Variants in EPHB2 observed in about 807,000 individuals in gnomAD.
EPHB2 encodes EPH receptor B2, also known as ephrin type-B receptor 2.
In EPHB2, 18 loss-of-function variants were observed where a neutral mutation model predicts 96.4. The observed-to-expected ratio is 0.19, with a 90% CI of 0.13 to 0.28. The LOEUF is 0.28. EPHB2 is among the 10% of genes least tolerant of loss of function. The pLI is 1.00. For synonymous variants in EPHB2, 506 were observed against 534.1 expected (o/e 0.95, Z 0.72); for missense variants, 989 against 1,355.4 (o/e 0.73, Z 4.25).
At chr1:22,828,212 G>A (rs1645252208) in intron 3 of EPHB2, among the ~76,000 whole-genome samples, 1 of 152,180 alleles carries the variant, frequency 6.6e-6, no homozygotes, top group African/African-American at 2.4e-5. Context: ...GACTAGAGCA[G>A]GGACACCACC....
rs1225598688 is a variant in EPHB2, at chr1:22,865,064, G to A, written c.1155G>A (p.Gln385=). The A allele has an allele frequency of 6.2e-7, 1 of 1,614,110 alleles. No individual in the cohort carries two copies. The highest frequency in any genetic ancestry group is 8.5e-7 in the Non-Finnish European group (1 of 1,180,062). The part of the protein sequence containing the change: ...CGDNVQYAPR[Q]LGLTEPRIYI... ...ACAATGTACAGTACGCACCACGCCA[G>A]CTAGGCCTGACCGAGCCACGCATTT... Residue 385 remains glutamine, a synonymous_variant, in exon 5 of 16, where the codon CAG becomes CAA. Transcript: ENST00000374630.
intron 1 of EPHB2, among the ~76,000 whole-genome samples, chr1:22,770,152 C>T (rs1051678161): frequency 2.0e-4 from 31 of 151,668 alleles, no homozygotes; most frequent in East Asian, 3.9e-4. Flanking sequence ...GATGGGTACA[C>T]GGGCGGGCAG....
chr1:22,882,542 GCTGAGGCCTGGGAGTTCTGCC>G, intron 6 of EPHB2, 59 bp downstream of exon 6: 1 of 1,606,952 alleles, frequency 6.2e-7, no homozygotes, highest in Non-Finnish European at 8.5e-7. Flanking sequence ...CCTCTCCCAG[GCTGAGGCCTGGGAGTTCTGCC>G]CCACCGCAAG....
intron 6 of EPHB2, among the ~76,000 whole-genome samples, chr1:22,888,636 A>G (rs1206291625): frequency 6.6e-6 from 1 of 152,114 alleles, no homozygotes; most frequent in African/African-American, 2.4e-5. Context: ...GTGCTTAATC[A>G]CTGTTCAGAT....
chr1:22,841,174 T>C (rs1034758133), intron 3 of EPHB2, among the ~76,000 whole-genome samples: 4 of 152,244 alleles, frequency 2.6e-5, no homozygotes, highest in African/African-American at 9.6e-5. Context: ...TGACGGGCTC[T>C]AATCATGGTA....
At chr1:22,814,483 T>G (rs1315341538) in intron 3 of EPHB2, among the ~76,000 whole-genome samples, 2 of 151,882 alleles carry the variant, frequency 1.3e-5, no homozygotes, top group Non-Finnish European at 2.9e-5. Flanking sequence ...GGGGTGCAAA[T>G]GGAGGGAAAC....
At chr1:22,779,876 G>A (rs1018530741) in intron 1 of EPHB2, among the ~76,000 whole-genome samples, 2 of 152,188 alleles carry the variant, frequency 1.3e-5, no homozygotes. Flanking sequence ...CCTGCCCTGG[G>A]CACAGAATTG....
intron 3 of EPHB2, among the ~76,000 whole-genome samples, chr1:22,854,739 C>T (rs1645674791): frequency 6.6e-6 from 1 of 152,162 alleles, no homozygotes; most frequent in South Asian, 2.1e-4. Flanking sequence ...TTAGAAGCAC[C>T]TCCTCTCCAT....
intron 5 of EPHB2, among the ~76,000 whole-genome samples, chr1:22,865,534 C>G (rs193062158): frequency 1.3e-5 from 2 of 152,342 alleles, no homozygotes; most frequent in Non-Finnish European, 2.9e-5. Context: ...CAGTCCACGT[C>G]AGCGTGGTGA....
chr1:22,745,338 G>C (rs1570195645), intron 1 of EPHB2, among the ~76,000 whole-genome samples: 1 of 152,196 alleles, frequency 6.6e-6, no homozygotes, highest in East Asian at 1.9e-4. Flanking sequence ...AAATAAGCCA[G>C]ACACCAAACA....
chr1:22,748,188 G>T (rs1644004936), intron 1 of EPHB2, among the ~76,000 whole-genome samples: 1 of 152,164 alleles, frequency 6.6e-6, no homozygotes, highest in Non-Finnish European at 1.5e-5. Flanking sequence ...CACACGTGAA[G>T]CTCTTAATGC....
chr1:22,746,329 C>T (rs1039812286), intron 1 of EPHB2, among the ~76,000 whole-genome samples: 2 of 152,090 alleles, frequency 1.3e-5, no homozygotes, highest in Admixed American at 6.5e-5. Flanking sequence ...GAAAGATGAG[C>T]GGGAGTTGAC....
chr1:22,753,920 G>T (rs1644103926), intron 1 of EPHB2, among the ~76,000 whole-genome samples: 1 of 152,190 alleles, frequency 6.6e-6, no homozygotes, highest in Non-Finnish European at 1.5e-5. Flanking sequence ...CCGGGAGGGT[G>T]CTGGGATTGC....
intron 13 of EPHB2, among the ~76,000 whole-genome samples, chr1:22,909,515 G>GTTAT (rs1262035691): frequency 6.6e-6 from 1 of 152,250 alleles, no homozygotes; most frequent in Non-Finnish European, 1.5e-5. Context: ...GGAACCAGAT[G>GTTAT]TTATGATCAG....
Position 22,882,447 on chromosome 1 carries a change from C to T in EPHB2, c.1392C>T (p.Gly464=), listed in dbSNP as rs768035656. The change falls in exon 6 of 16, where the codon GGC becomes GGT. Residue 464 remains glycine (G), a synonymous_variant. Transcript: ENST00000374630. ...GGTCCCAGCCGGACCAGCCCAATGG[C>T]GTGATCCTGGACTATGAGCTGCAGT... The part of the protein sequence containing the change: ...LSWSQPDQPN[G]VILDYELQYY... 5 of 1,614,154 alleles carry T rather than the reference C, an allele frequency of 3.1e-6. No individual in the cohort carries two copies. Among genetic ancestry groups the T allele is most frequent in the East Asian group, 2.2e-5 (1 of 44,870 alleles).
At chr1:22,729,971 T>C (rs908690600) in intron 1 of EPHB2, among the ~76,000 whole-genome samples, 5 of 152,216 alleles carry the variant, frequency 3.3e-5, no homozygotes, top group Non-Finnish European at 5.9e-5. Flanking sequence ...GTTTGTTCTT[T>C]TGGGTGACAG....
intron 1 of EPHB2, among the ~76,000 whole-genome samples, chr1:22,768,805 CT>C (rs1644340801): frequency 6.6e-6 from 1 of 150,812 alleles, no homozygotes; most frequent in African/African-American, 2.4e-5. Context: ...TCCTCCCGGC[CT>C]TTGTACAAGC....
intron 6 of EPHB2, 29 bp from the exon 7 acceptor site, chr1:22,892,855 C>A (rs1350069429): frequency 1.2e-6 from 2 of 1,614,172 alleles, no homozygotes; most frequent in East Asian, 2.2e-5. Context: ...GCCACAACCT[C>A]ACTAATTTTC....
At position 22,756,138 on chromosome 1, in the gene EPHB2, G is replaced by A. The variant is rs34927145; in HGVS notation, c.62-25283G>A. 9.1e-3 allele frequency among the ~76,000 whole-genome samples: 1,392 copies of A among 152,268 alleles called. 11 individuals are homozygous for A. Among genetic ancestry groups the A allele is most frequent in the Non-Finnish European group, 0.015 (1,012 of 68,018 alleles). ...CGGGGATGGGCTGGGGGTCCATCAGGCTGGAAGGGGCGGCTGGGGCTAGCT... is the reference window on the plus strand; with the variant it reads ...CGGGGATGGGCTGGGGGTCCATCAGACTGGAAGGGGCGGCTGGGGCTAGCT... On this transcript the variant is annotated intron_variant, in intron 1 of 15. Transcript: ENST00000374630.
Sources: allele counts gnomAD v4.1 joint callset (sites outside exome capture counted in the v4.1 genomes callset), GRCh38; gene constraint gnomAD v4.1.1; transcripts MANE v1.5; gene names NCBI Gene and HGNC (gene_info 2026-07-23, HGNC 2026-07-21).